The following ATRNL1 variants were observed in gnomAD, a reference collection of about 807,000 sequenced individuals.
The protein encoded by ATRNL1 is attractin like 1, also known as attractin-like protein 1.
In ATRNL1, 95 loss-of-function variants were observed where a neutral mutation model predicts 182.7. That is an observed-to-expected ratio of 0.52 (90% CI 0.44 to 0.62). The LOEUF (loss-of-function observed/expected upper bound fraction) is 0.62, where lower values mean the gene tolerates loss of function less well. Among genes scored for constraint, ATRNL1 ranks in the 20% least tolerant of loss-of-function variants. The probability of loss-of-function intolerance (pLI) is 0.00; values close to 1 mark genes in which losing one functional copy is unlikely to be tolerated. For synonymous variants in ATRNL1, 576 were observed against 568.3 expected, an observed-to-expected ratio of 1.01 and a Z score of -0.19; for missense variants, 1,471 against 1,679.5, an observed-to-expected ratio of 0.88 and a Z score of 2.17.
intron 9 of ATRNL1, among the ~76,000 whole-genome samples, chr10:115,223,931 T>TATATATATATATA (rs1849588854): frequency 2.5e-5 from 1 of 39,224 alleles, no homozygotes; most frequent in African/African-American, 1.2e-4. Flanking sequence ...ATATATATAT[T>TATATATATATATA]TTTTTTTTTT....
intron 1 of ATRNL1, among the ~76,000 whole-genome samples, chr10:115,110,504 A>T (rs1844210940): frequency 6.6e-6 from 1 of 152,240 alleles, no homozygotes; most frequent in Non-Finnish European, 1.5e-5. Flanking sequence ...TTCTACCAAC[A>T]GTGAATAAGC....
At chr10:115,176,870 T>C (rs1847530420) in intron 8 of ATRNL1, among the ~76,000 whole-genome samples, 1 of 152,128 alleles carries the variant, frequency 6.6e-6, no homozygotes, top group African/African-American at 2.4e-5. Flanking sequence ...TACCTCCTTA[T>C]GTGTACACTT....
In ATRNL1 at chr10:115,713,272, T is replaced by G. The variant is rs542803595; in HGVS notation, c.3796-13976T>G. On this transcript the variant is annotated intron_variant, in intron 26 of 28. Transcript: ENST00000355044. ...ATTAATTTTTAAATTCAACAAATAT[T>G]TATTGAACATCTTCTATCTACCAGA... 1.3e-4 allele frequency among the ~76,000 whole-genome samples: 20 copies of G among 152,268 alleles called. No individual in the cohort carries two copies. In the South Asian group the frequency reaches 3.7e-3, roughly 28 times the overall value.
rs60790084 is a variant in ATRNL1 at position 115,240,906 on chromosome 10, A to AAT, written c.1533-654_1533-653dup. ...GATTACACAAAAAATATATATCTCA[A>AAT]ATATATATATATCTTGAGCAAATGT... On this transcript the variant is annotated intron_variant, in intron 9 of 28. Coordinates refer to ENST00000355044, the MANE Select transcript of ATRNL1 (RefSeq NM_207303.4). Among the ~76,000 whole-genome samples, 1,222 of 151,838 alleles carry AAT rather than the reference A, an allele frequency of 8.0e-3. 17 individuals are homozygous for AAT. The highest frequency in any genetic ancestry group is 0.028 in the African/African-American group (1,174 of 41,468).
At chr10:115,562,828 C>T (rs1387252250) in intron 26 of ATRNL1, among the ~76,000 whole-genome samples, 6 of 152,148 alleles carry the variant, frequency 3.9e-5, no homozygotes, top group Non-Finnish European at 8.8e-5. Context: ...TCAAGTATGT[C>T]TTGCACAAAT....
At chr10:115,271,404 G>C (rs1203294753) in intron 13 of ATRNL1, among the ~76,000 whole-genome samples, 1 of 151,934 alleles carries the variant, frequency 6.6e-6, no homozygotes, top group Non-Finnish European at 1.5e-5. Context: ...ATTTACGTTA[G>C]GTATATCTCC....
intron 18 of ATRNL1, among the ~76,000 whole-genome samples, chr10:115,322,085 A>G (rs778743070): frequency 1.3e-5 from 2 of 152,076 alleles, no homozygotes; most frequent in African/African-American, 2.4e-5. Flanking sequence ...AACTTTTAAC[A>G]TATACATTTT....
chr10:115,362,292 A>G (rs1554944449), intron 19 of ATRNL1, among the ~76,000 whole-genome samples: 1 of 152,088 alleles, frequency 6.6e-6, no homozygotes, highest in African/African-American at 2.4e-5. Context: ...TTAGAGCTAT[A>G]AATAAAAATG....
intron 9 of ATRNL1, among the ~76,000 whole-genome samples, chr10:115,221,029 A>C (rs1474480033): frequency 2.0e-5 from 3 of 152,162 alleles, no homozygotes; most frequent in Non-Finnish European, 2.9e-5. Flanking sequence ...TCCACCTCAG[A>C]TCATCAAGCA....
chr10:115,307,267 GT>G (rs1554926497), intron 17 of ATRNL1, among the ~76,000 whole-genome samples: 1 of 151,800 alleles, frequency 6.6e-6, no homozygotes, highest in Admixed American at 6.6e-5. Flanking sequence ...TTTTTTGTTG[GT>G]TTTTGTTTTT....
intron 26 of ATRNL1, among the ~76,000 whole-genome samples, chr10:115,650,108 G>A (rs1489568283): frequency 1.3e-5 from 2 of 152,066 alleles, no homozygotes; most frequent in African/African-American, 4.8e-5. Context: ...TATCAGCCAA[G>A]TTAGGTAGAA....
intron 28 of ATRNL1, among the ~76,000 whole-genome samples, chr10:115,920,058 T>C (rs1275440000): frequency 1.3e-5 from 2 of 152,196 alleles, no homozygotes; most frequent in African/African-American, 4.8e-5. Flanking sequence ...TTTAAGAGTC[T>C]GCTCACCTGC....
At chr10:115,423,929 A>G (rs1554962382) in intron 20 of ATRNL1, among the ~76,000 whole-genome samples, 2 of 152,134 alleles carry the variant, frequency 1.3e-5, no homozygotes, top group Non-Finnish European at 2.9e-5. Flanking sequence ...AAATAGAGAA[A>G]TGGGATTACA....
rs782174366 is a variant in ATRNL1, at chr10:115,093,826, G to A, written c.76G>A (p.Gly26Ser). The change falls in exon 1 of 29, where the codon GGC (glycine) becomes AGC (serine). Residue 26 changes from glycine (G) to serine (S), a missense_variant. By Grantham distance (56) the Gly-to-Ser change is moderately conservative. This residue lies in a region of ATRNL1 where 1,031 missense variants were observed against 1,156.0 expected (regional missense o/e 0.89). Transcript: ENST00000355044. This position sits in a 1 kb window ranked among gnomAD's most constrained non-coding sequence, Gnocchi z 6.1. ...APGVWRARPAGGGGGGASSWL... is the reference protein window; with the variant it reads ...APGVWRARPASGGGGGASSWL... ...GGGGGTGTGGAGGGCTCGGCCGGCGGGCGGCGGCGGCGGGGGCGCCTCCTC... is the reference window on the plus strand; with the variant it reads ...GGGGGTGTGGAGGGCTCGGCCGGCGAGCGGCGGCGGCGGGGGCGCCTCCTC... 54 of 1,486,094 alleles carry A rather than the reference G, an allele frequency of 3.6e-5. No individual in the cohort carries two copies. In the South Asian group the frequency reaches 7.1e-4, roughly 19 times the overall value. The allele number at this position is 1,486,094 out of a possible 1,614,324, so 92.1% of individuals were successfully genotyped here.
chr10:115,552,699 A>G (rs1853067765), intron 26 of ATRNL1, among the ~76,000 whole-genome samples: 2 of 151,406 alleles, frequency 1.3e-5, no homozygotes, highest in South Asian at 4.1e-4. Context: ...TTTGAATAAC[A>G]CCCCTGAGAA....
chr10:115,887,524 C>G (rs1175562142), intron 28 of ATRNL1, among the ~76,000 whole-genome samples: 2 of 152,144 alleles, frequency 1.3e-5, no homozygotes, highest in African/African-American at 4.8e-5. Flanking sequence ...CATGAGGGCT[C>G]TGCCCTTGTG....
chr10:115,193,840 T>G (rs1554890435), intron 8 of ATRNL1, among the ~76,000 whole-genome samples: 1 of 151,996 alleles, frequency 6.6e-6, no homozygotes, highest in Non-Finnish European at 1.5e-5. Context: ...GATTTATTAC[T>G]GTAAACTTCC....
intron 19 of ATRNL1, among the ~76,000 whole-genome samples, chr10:115,365,429 T>A (rs1331134905): frequency 6.6e-6 from 1 of 152,020 alleles, no homozygotes; most frequent in African/African-American, 2.4e-5. Flanking sequence ...TTATTAGTCT[T>A]GCTAGCGGTC....
intron 26 of ATRNL1, among the ~76,000 whole-genome samples, chr10:115,566,760 C>G (rs991203570): frequency 1.3e-5 from 2 of 151,998 alleles, no homozygotes; most frequent in Non-Finnish European, 2.9e-5. Flanking sequence ...GCAATTATGA[C>G]TGTATTATGA....
Sources: allele counts gnomAD v4.1 joint callset (sites outside exome capture counted in the v4.1 genomes callset), GRCh38; gene constraint gnomAD v4.1.1; regional missense constraint gnomAD v4.1.1; non-coding constraint Gnocchi (gnomAD v3.1); transcripts MANE v1.5; gene names NCBI Gene and HGNC (gene_info 2026-07-23, HGNC 2026-07-21).